HDGF: variants seen among roughly 807,000 people sequenced by gnomAD.
HDGF encodes hepatoma-derived growth factor.
In HDGF, 5 loss-of-function variants were observed where a neutral mutation model predicts 30.0. The observed-to-expected ratio is 0.17, with a 90% CI of 0.09 to 0.35. HDGF has a LOEUF of 0.35. HDGF is among the 10% of genes least tolerant of loss of function. HDGF has a pLI of 1.00. For synonymous variants in HDGF, 133 were observed against 112.7 expected, an observed-to-expected ratio of 1.18 and a Z score of -1.14; for missense variants, 214 against 302.8, an observed-to-expected ratio of 0.71 and a Z score of 2.18.
intron 1 of HDGF, among the ~76,000 whole-genome samples, chr1:156,765,013 C>T (rs1651328110): frequency 6.6e-6 from 1 of 151,862 alleles, no homozygotes; most frequent in African/African-American, 2.4e-5. Context: ...AGTTCTAAGG[C>T]ATTTCACTGT....
In HDGF at chr1:156,762,790, T is replaced by C. The variant is rs1384893103; in HGVS notation, n.137-3571A>G. On this transcript the variant is annotated intron_variant and non_coding_transcript_variant, in intron 1 of 7. Transcript: ENST00000465180. ...GGGAGGCTGAGGCAGGAGAATTGCT[T>C]GAACCCGGGAGGCGGAGGTTGTGGT... Among the ~76,000 whole-genome samples the C allele has an allele frequency of 2.0e-5, 3 of 151,872 alleles. No individual in the cohort carries two copies. In the East Asian group the frequency reaches 5.8e-4, roughly 29 times the overall value.
chr1:156,752,005 C>G (rs1344983045), upstream of HDGF: 4 of 1,544,894 alleles, frequency 2.6e-6, no homozygotes, highest in Admixed American at 7.9e-5. Context: ...CGGAGCGGCC[C>G]CCGCCCTTCC....
chr1:156,749,856 G>A (rs1253369033), intron 1 of HDGF, among the ~76,000 whole-genome samples: 1 of 152,218 alleles, frequency 6.6e-6, no homozygotes, highest in Non-Finnish European at 1.5e-5. Flanking sequence ...GGTAGGAACA[G>A]TAGAGACCTG....
At chr1:156,758,229 C>T (rs1029796748) in intron 2 of HDGF, among the ~76,000 whole-genome samples, 1 of 151,948 alleles carries the variant, frequency 6.6e-6, no homozygotes, top group Admixed American at 6.6e-5. Context: ...ACCCAGGAAG[C>T]AGAGGTTGCA....
chr1:156,742,968 GC>G lies in HDGF; in HGVS notation c.*480del, dbSNP rs1465113483. The stretch of plus-strand genomic sequence containing the variant: ...GGGGACAGGAGCTCAGAAGGAGGCC[GC>G]CCTCCTGTGCTGCCCCCACCCCGCA... On this transcript the variant is annotated 3_prime_UTR_variant, in exon 6 of 6. Transcript: ENST00000357325. The G allele has an allele frequency of 6.4e-6, 1 of 155,342 alleles. No individual in the cohort carries two copies. The highest frequency in any genetic ancestry group is 1.4e-5 in the Non-Finnish European group (1 of 69,976). 9.6% of individuals were successfully genotyped at this position (155,342 alleles called of 1,614,324 possible). A position where few individuals can be genotyped will look rare whatever the true frequency, so the allele number is the denominator to read the frequency against.
upstream of HDGF, chr1:156,751,898 G>A (rs1452372186): frequency 1.0e-6 from 1 of 1,000,620 alleles, no homozygotes; most frequent in Non-Finnish European, 1.4e-6. This position sits in a 1 kb window ranked among gnomAD's most constrained non-coding sequence, Gnocchi z 4.7. Flanking sequence ...TGGCGGCACA[G>A]GCATAAGGAG....
chr1:156,761,086 G>T (rs1651242243), intron 1 of HDGF, among the ~76,000 whole-genome samples: 2 of 152,108 alleles, frequency 1.3e-5, no homozygotes, highest in South Asian at 4.2e-4. Context: ...GGAGGTTGGG[G>T]GGGATCAGCT....
upstream of HDGF, among the ~76,000 whole-genome samples, chr1:156,754,275 C>G (rs1651117456): frequency 6.6e-6 from 1 of 152,178 alleles, no homozygotes; most frequent in Non-Finnish European, 1.5e-5. Context: ...AAAGCAAGAG[C>G]CCTTCCCATT....
chr1:156,751,978 G>A (rs1471433295), upstream of HDGF: 2 of 1,483,060 alleles, frequency 1.3e-6, no homozygotes, highest in Admixed American at 2.0e-5. This position sits in a 1 kb window ranked among gnomAD's most constrained non-coding sequence, Gnocchi z 4.7. Context: ...CCCGGGAGGA[G>A]CTGGCGCCCG....
upstream of HDGF, among the ~76,000 whole-genome samples, chr1:156,756,854 G>T (rs566979248): frequency 6.8e-6 from 1 of 146,426 alleles, no homozygotes; most frequent in Admixed American, 7.0e-5. Context: ...GTGCAGTGGC[G>T]CAATCTCAGC....
chr1:156,756,694 T>C (rs1438969744), upstream of HDGF, among the ~76,000 whole-genome samples: 3 of 152,226 alleles, frequency 2.0e-5, no homozygotes, highest in East Asian at 3.8e-4. Flanking sequence ...GCTGTTAGTA[T>C]TGTAGTATTA....
chr1:156,752,485 T>C (rs559783770), upstream of HDGF: 226 of 855,448 alleles, frequency 2.6e-4, no homozygotes, highest in Admixed American at 5.2e-4. Context: ...ACCCAACCCC[T>C]TCAGTAAACT....
chr1:156,751,947 C>T, upstream of HDGF: 1 of 1,198,718 alleles, frequency 8.3e-7, no homozygotes, highest in Non-Finnish European at 1.2e-6. This position sits in a 1 kb window ranked among gnomAD's most constrained non-coding sequence, Gnocchi z 4.7. Flanking sequence ...TGTGTGCCCG[C>T]GGTCGGTGGG....
rs1650967163 is a variant in HDGF at position 156,751,358 on chromosome 1, T to C, written c.72A>G (p.Pro24=). Residue 24 remains proline, a synonymous_variant, in exon 1 of 6, where the codon CCA becomes CCG. Transcript: ENST00000357325. The surrounding 1 kb of genome is among the most constrained non-coding windows in gnomAD (Gnocchi z 4.7). ...DLVFAKMKGY[P]HWPARIDEMP... is the part of the protein sequence containing the mutation. ...CGCTGCTCACCCGGGCCGGCCAGTG[T>C]GGGTAGCCCTTCATCTTGGCGAACA... is the stretch of plus-strand genomic sequence containing the variant. The C allele has an allele frequency of 1.9e-6, 3 of 1,608,756 alleles. No homozygotes were observed. The African/African-American group carries it at 4.0e-5, about 22-fold the overall frequency.
At position 156,751,436 on chromosome 1, in the gene HDGF, G is replaced by A. The variant is rs1171014343; in HGVS notation, c.-7C>T. On this transcript the variant is annotated 5_prime_UTR_variant, in exon 1 of 6. Coordinates refer to ENST00000357325, the MANE Select transcript of HDGF (RefSeq NM_004494.3). The surrounding 1 kb of genome is among the most constrained non-coding windows in gnomAD (Gnocchi z 4.7). ...GCCGGTTGGATCGCGACATGGCGGG[G>A]CTCCGGGCGCCCCGGGCTCCGCGCC... 6.4e-6 allele frequency: 10 copies of A among 1,561,156 alleles called. No individual in the cohort carries two copies. The African/African-American group carries it at 8.5e-5, about 13-fold the overall frequency.
intron 1 of HDGF, among the ~76,000 whole-genome samples, chr1:156,759,620 T>C (rs963232503): frequency 1.3e-5 from 2 of 152,050 alleles, no homozygotes; most frequent in Non-Finnish European, 2.9e-5. Flanking sequence ...TAGCTGGAAT[T>C]ACAGGCGCAC....
chr1:156,760,280 A>G (rs1651226419), intron 1 of HDGF, among the ~76,000 whole-genome samples: 1 of 152,118 alleles, frequency 6.6e-6, no homozygotes, highest in South Asian at 2.1e-4. Context: ...TCCTGCAAGG[A>G]TGTTGCTGGT....
intron 1 of HDGF, among the ~76,000 whole-genome samples, chr1:156,747,655 G>T (rs528502497): frequency 6.6e-6 from 1 of 152,190 alleles, no homozygotes; most frequent in African/African-American, 2.4e-5. Flanking sequence ...TGGGGGTGGG[G>T]ACTGAAGGGT....
At chr1:156,753,787 A>G (rs4341354), upstream of HDGF, among the ~76,000 whole-genome samples, 148,581 of 152,282 alleles carry the variant, frequency 0.98, 72,586 homozygotes, top group East Asian at 1. Context: ...CTGATGTCGT[A>G]ATCTGCCCAC....
Sources: gnomAD v4.1 joint callset for allele counts (sites outside exome capture counted in the v4.1 genomes callset) on GRCh38, gnomAD v4.1.1 for gene constraint, Gnocchi (gnomAD v3.1) non-coding constraint, MANE v1.5 for transcripts, NCBI Gene and HGNC (gene_info 2026-07-23, HGNC 2026-07-21) for gene names.